Variants in ADGRB3 observed in about 807,000 individuals in gnomAD.
ADGRB3 encodes adhesion G protein-coupled receptor B3.
Under a neutral mutation model 193.4 loss-of-function variants are expected in ADGRB3, and 37 were observed. The ratio of observed to expected loss-of-function variants is 0.19; its 90% CI spans 0.15 to 0.25. ADGRB3 has a LOEUF of 0.25. ADGRB3 is among the 10% of genes least tolerant of loss of function. The pLI is 1.00. For synonymous variants in ADGRB3, 690 were observed against 644.2 expected (o/e 1.07, Z -1.08); for missense variants, 1,637 against 1,852.9 (o/e 0.88, Z 2.14).
At chr6:68,706,998 C>A (rs374603281) in intron 3 of ADGRB3, among the ~76,000 whole-genome samples, 1 of 151,476 alleles carries the variant, frequency 6.6e-6, no homozygotes, top group African/African-American at 2.4e-5. Context: ...GTAGACCAAG[C>A]TACTTGGGAG....
intron 3 of ADGRB3, among the ~76,000 whole-genome samples, chr6:68,846,398 A>T (rs1768275249): frequency 6.6e-6 from 1 of 152,238 alleles, no homozygotes; most frequent in Admixed American, 6.5e-5. Flanking sequence ...GATTATGGGG[A>T]AAATGTTCAG....
chr6:69,326,923 A>G (rs891886543), intron 21 of ADGRB3, among the ~76,000 whole-genome samples: 3 of 152,170 alleles, frequency 2.0e-5, no homozygotes, highest in African/African-American at 7.2e-5. Context: ...GTTTAACACT[A>G]TGGTGTGTCC....
chr6:69,348,805 G>T lies in ADGRB3; in HGVS notation c.3460-5428G>T, dbSNP rs566794461. 4.6e-5 allele frequency among the ~76,000 whole-genome samples: 7 copies of T among 152,282 alleles called. No homozygotes were observed. The South Asian group carries it at 1.5e-3, about 32-fold the overall frequency. ...GGAGGTTCAATATGTCTTAAATAAA[G>T]GTTCAAACTGAAAACTTATTAACTC... On this transcript the variant is annotated intron_variant, in intron 26 of 31. Coordinates refer to ENST00000370598, the MANE Select transcript of ADGRB3 (RefSeq NM_001704.3).
At chr6:68,909,579 A>C (rs1766643707) in intron 3 of ADGRB3, among the ~76,000 whole-genome samples, 1 of 152,176 alleles carries the variant, frequency 6.6e-6, no homozygotes, top group Non-Finnish European at 1.5e-5. Flanking sequence ...TTCAGAACAA[A>C]AGGAAGAAAA....
intron 19 of ADGRB3, among the ~76,000 whole-genome samples, chr6:69,238,274 C>T (rs147497227): frequency 2.0e-5 from 3 of 152,052 alleles, no homozygotes; most frequent in African/African-American, 7.2e-5. Context: ...ACAACAGTGT[C>T]TTTTTGTTAC....
chr6:69,025,613 C>T (rs1294374477), intron 13 of ADGRB3, among the ~76,000 whole-genome samples: 1 of 150,734 alleles, frequency 6.6e-6, no homozygotes, highest in African/African-American at 2.4e-5. Flanking sequence ...AGTTCTATCT[C>T]TGCCTTCTGG....
At chr6:69,301,454 T>C (rs1198578270) in intron 20 of ADGRB3, among the ~76,000 whole-genome samples, 2 of 151,896 alleles carry the variant, frequency 1.3e-5, no homozygotes, top group Non-Finnish European at 2.9e-5. Context: ...ACTCTGATCA[T>C]CTCAGAAAAC....
intron 11 of ADGRB3, among the ~76,000 whole-genome samples, chr6:68,994,609 G>A (rs1460363390): frequency 6.6e-6 from 1 of 152,086 alleles, no homozygotes; most frequent in Non-Finnish European, 1.5e-5. Flanking sequence ...AAAGCTTATT[G>A]AATGGCAAAC....
intron 13 of ADGRB3, among the ~76,000 whole-genome samples, chr6:69,018,756 T>C (rs961542125): frequency 6.6e-6 from 1 of 152,034 alleles, no homozygotes; most frequent in Non-Finnish European, 1.5e-5. Flanking sequence ...TCTTTACATG[T>C]ATATGTAGGA....
intron 3 of ADGRB3, among the ~76,000 whole-genome samples, chr6:68,727,824 A>G (rs1765700708): frequency 6.6e-6 from 1 of 151,596 alleles, no homozygotes; most frequent in African/African-American, 2.4e-5. Flanking sequence ...AGTGAAGTGT[A>G]CCAGTTGACA....
At chr6:68,871,730 G>A (rs532058164) in intron 3 of ADGRB3, among the ~76,000 whole-genome samples, 5 of 152,030 alleles carry the variant, frequency 3.3e-5, no homozygotes, top group African/African-American at 1.2e-4. Flanking sequence ...TCTATTTTCT[G>A]ACAAAAAGGG....
intron 3 of ADGRB3, among the ~76,000 whole-genome samples, chr6:68,916,526 C>G (rs1766884210): frequency 6.6e-6 from 1 of 152,068 alleles, no homozygotes; most frequent in Non-Finnish European, 1.5e-5. Context: ...GTGGATACAG[C>G]AATTTATTAA....
At chr6:69,318,048 T>A (rs907795136) in intron 20 of ADGRB3, among the ~76,000 whole-genome samples, 1 of 151,494 alleles carries the variant, frequency 6.6e-6, no homozygotes, top group East Asian at 1.9e-4. Flanking sequence ...TTATCTGCAA[T>A]GACAACAATG....
intron 17 of ADGRB3, among the ~76,000 whole-genome samples, chr6:69,135,090 T>C (rs1774114874): frequency 6.6e-6 from 1 of 152,020 alleles, no homozygotes; most frequent in Non-Finnish European, 1.5e-5. Flanking sequence ...GACCCTGATG[T>C]ACTCTATAGA....
At chr6:69,240,615 G>A (rs1288688500) in intron 20 of ADGRB3, among the ~76,000 whole-genome samples, 1 of 151,452 alleles carries the variant, frequency 6.6e-6, no homozygotes, top group Non-Finnish European at 1.5e-5. Flanking sequence ...ATGACCAACA[G>A]AATAAAAAAT....
chr6:68,943,752 G>T, intron 5 of ADGRB3, 78 bp from the exon 6 acceptor site: 13 of 1,279,192 alleles, frequency 1.0e-5, no homozygotes, highest in Non-Finnish European at 1.3e-5. Flanking sequence ...AATGAGTTTT[G>T]CTTTTTAATT....
intron 3 of ADGRB3, among the ~76,000 whole-genome samples, chr6:68,768,455 T>C (rs1347771712): frequency 6.6e-6 from 1 of 152,104 alleles, no homozygotes; most frequent in African/African-American, 2.4e-5. Flanking sequence ...AATCCCTACT[T>C]AATAATTGGT....
chr6:69,352,931 C>A, intron 26 of ADGRB3, among the ~76,000 whole-genome samples: 1 of 152,122 alleles, frequency 6.6e-6, no homozygotes, highest in East Asian at 1.9e-4. Flanking sequence ...ATAGGGAAAA[C>A]ATCATCTATG....
chr6:68,919,630 A>G (rs1766982144), intron 3 of ADGRB3, among the ~76,000 whole-genome samples: 1 of 152,176 alleles, frequency 6.6e-6, no homozygotes, highest in African/African-American at 2.4e-5. Context: ...AGAAAAAAGG[A>G]GGAAGAAAAT....
Sources: gnomAD v4.1 joint callset for allele counts (sites outside exome capture counted in the v4.1 genomes callset) on GRCh38, gnomAD v4.1.1 for gene constraint, MANE v1.5 for transcripts, NCBI Gene and HGNC (gene_info 2026-07-23, HGNC 2026-07-21) for gene names.